ZC3H7B: variants seen among roughly 807,000 people sequenced by gnomAD.
The protein encoded by ZC3H7B is zinc finger CCCH domain-containing protein 7B.
In ZC3H7B, 35 loss-of-function variants were observed where a neutral mutation model predicts 116.0. The ratio of observed to expected loss-of-function variants is 0.30; its 90% CI spans 0.23 to 0.40. The LOEUF (loss-of-function observed/expected upper bound fraction) is 0.40. Among genes scored for constraint, ZC3H7B ranks in the 10% least tolerant of loss-of-function variants. The pLI, the probability that ZC3H7B is intolerant of heterozygous loss-of-function variation, is 1.00. For missense variants in ZC3H7B, 1,011 were observed against 1,321.5 expected (o/e 0.77, Z 3.64); for synonymous variants, 502 against 545.6 (o/e 0.92, Z 1.11).
chr22:41,309,246 G>A (rs189663344), intron 1 of ZC3H7B, among the ~76,000 whole-genome samples: 2,684 of 151,360 alleles, frequency 0.018, 55 homozygotes, highest in African/African-American at 0.061. Flanking sequence ...TCCTGACCTC[G>A]TGATCCGCCC....
chr22:41,339,054 A>G lies in ZC3H7B; in HGVS notation c.679A>G (p.Met227Val). 1 of 1,609,188 alleles carries G rather than the reference A, an allele frequency of 6.2e-7. No homozygotes were observed. Among genetic ancestry groups the G allele is most frequent in the Non-Finnish European group, 8.5e-7 (1 of 1,177,340 alleles). ...AGCCCTTCTCCCCTCCACGCCCACG[A>G]TGCCCCTGTTCCCTCACGTTCTGGA... ...SPALLPSTPT[M>V]PLFPHVLDLL... Residue 227 changes from methionine (M) to valine (V), a missense_variant, in exon 9 of 23, where the codon ATG (methionine) becomes GTG (valine). Met to Val is a conservative substitution (Grantham distance 21). Around this residue, in one of 5 missense-constraint regions of ZC3H7B, gnomAD observed 322 missense variants for 443.9 expected, o/e 0.73. Coordinates refer to ENST00000352645, the MANE Select transcript of ZC3H7B (RefSeq NM_017590.6).
intron 1 of ZC3H7B, among the ~76,000 whole-genome samples, chr22:41,313,189 GCTCA>G (rs10579151): frequency 0.32 from 48,626 of 151,274 alleles, 8,340 homozygotes; most frequent in Admixed American, 0.5. Flanking sequence ...CGCGATATCA[GCTCA>G]CTACAACCTC....
Position 41,355,805 on chromosome 22 carries a change from G to A in ZC3H7B, c.2217G>A (p.Arg739=). The change falls in exon 19 of 23, where the codon AGG becomes AGA. Residue 739 remains arginine (R), a synonymous_variant. Transcript: ENST00000352645. ...RVLLVMSKAK[R]KWVSVRPLPS... ...TTCTGGTGATGTCCAAGGCCAAGAGGAAATGGGTGTCAGTGAGGCCACTGC... is the reference window on the plus strand; with the variant it reads ...TTCTGGTGATGTCCAAGGCCAAGAGAAAATGGGTGTCAGTGAGGCCACTGC... 3 of 1,613,674 alleles carry A rather than the reference G, an allele frequency of 1.9e-6. No individual in the cohort carries two copies. The highest frequency in any genetic ancestry group is 2.2e-5 in the East Asian group (1 of 44,880).
chr22:41,339,904 T>C lies in ZC3H7B; in HGVS notation c.905T>C (p.Leu302Pro). 2 of 1,613,850 alleles carry C rather than the reference T, an allele frequency of 1.2e-6. No individual in the cohort carries two copies. The highest frequency in any genetic ancestry group is 1.7e-6 in the Non-Finnish European group (2 of 1,179,974). The part of the protein sequence containing the change: ...IPVFPGGTPL[L>P]PPVVGGSIPV... ...GTGTTCCCCGGCGGGACCCCACTGC[T>C]ACCACCTGTGGTGGGTGGCTCCATC... is the stretch of plus-strand genomic sequence containing the variant. Residue 302 changes from leucine (L) to proline (P), a missense_variant, in exon 10 of 23, where the codon CTA (leucine) becomes CCA (proline). This residue lies in a region of ZC3H7B where 322 missense variants were observed against 443.9 expected (regional missense o/e 0.73). Transcript: ENST00000352645.
At position 41,331,171 on chromosome 22, in the gene ZC3H7B, C is replaced by T. The variant is rs140931752; in HGVS notation, c.526-1000C>T. On this transcript the variant is annotated intron_variant, in intron 6 of 22. Coordinates refer to ENST00000352645, the MANE Select transcript of ZC3H7B (RefSeq NM_017590.6). ...CGCGCCCAGCTGAGAATCACTTGAA[C>T]CCGGGAGGCGGAGGTTGCGGTGAGC... Among the ~76,000 whole-genome samples the T allele has an allele frequency of 8.2e-3, 1,208 of 146,608 alleles. 5 individuals are homozygous for T. Among genetic ancestry groups the T allele is most frequent in the Non-Finnish European group, 0.013 (869 of 66,600 alleles).
At position 41,359,138 on chromosome 22, in the gene ZC3H7B, G is replaced by A. The variant is rs1380107548; in HGVS notation, c.*1709G>A. 1 of 152,890 alleles carries A rather than the reference G, an allele frequency of 6.5e-6. No individual in the cohort carries two copies. Among genetic ancestry groups the A allele is most frequent in the African/African-American group, 2.4e-5 (1 of 41,464 alleles). The allele number at this position is 152,890 out of a possible 1,614,324, so 9.5% of individuals were successfully genotyped here. A position where few individuals can be genotyped will look rare whatever the true frequency, so the allele number is the denominator to read the frequency against. ...TTTGGGTGCTGGTGGTGTGGCTGTA[G>A]GGGAGGGGAGACCACACCCAAGGTG... On this transcript the variant is annotated 3_prime_UTR_variant, in exon 23 of 23. Transcript: ENST00000352645.
Position 41,357,259 on chromosome 22 carries a change from C to T in ZC3H7B, c.2764C>T (p.Arg922Trp). 1.9e-6 allele frequency: 3 copies of T among 1,613,714 alleles called. No homozygotes were observed. The highest frequency in any genetic ancestry group is 2.5e-6 in the Non-Finnish European group (3 of 1,179,986). Reference sequence around the variant, plus strand: ...GGAGGAGCTCAACGAGTGGCTGGACCGGCGCGAGGTGCTGAAGCAGAAGTT... The same window carrying T: ...GGAGGAGCTCAACGAGTGGCTGGACTGGCGCGAGGTGCTGAAGCAGAAGTT... ...GQEELNEWLD[R>W]REVLKQKLAK... is the part of the protein sequence containing the mutation. The change falls in exon 23 of 23, where the codon CGG (arginine) becomes TGG (tryptophan). Residue 922 changes from arginine (R) to tryptophan (W), a missense_variant. Around this residue, in one of 5 missense-constraint regions of ZC3H7B, gnomAD observed 406 missense variants for 590.2 expected, o/e 0.69. Transcript: ENST00000352645. This position sits in a 1 kb window ranked among gnomAD's most constrained non-coding sequence, Gnocchi z 5.4.
chr22:41,348,011 C>T, intron 14 of ZC3H7B, 56 bp from the exon 15 acceptor site: 2 of 1,492,824 alleles, frequency 1.3e-6, no homozygotes, highest in Non-Finnish European at 1.9e-6. Context: ...GGGGTCCCAG[C>T]TCACCCCCTT....
At chr22:41,325,984 C>A in intron 4 of ZC3H7B, 66 bp downstream of exon 4, 1 of 1,525,272 alleles carries the variant, frequency 6.6e-7, no homozygotes, top group Non-Finnish European at 8.8e-7. Context: ...CCAGTCGAGC[C>A]AGGCCCATAC....
Position 41,343,584 on chromosome 22 carries a change from G to T in ZC3H7B, c.1459+8G>T. 1 of 1,587,846 alleles carries T rather than the reference G, an allele frequency of 6.3e-7. No homozygotes were observed. The highest frequency in any genetic ancestry group is 8.6e-7 in the Non-Finnish European group (1 of 1,163,130). Reference sequence around the variant, plus strand: ...CCTACTACCTGTGCAAAGGTGGGTGGGCTGCAGCGGGGCAGGCAGCACAGC... The same window carrying T: ...CCTACTACCTGTGCAAAGGTGGGTGTGCTGCAGCGGGGCAGGCAGCACAGC... On this transcript the variant is annotated splice_region_variant and intron_variant, in intron 13 of 22. Transcript: ENST00000352645.
chr22:41,320,567 C>A, intron 1 of ZC3H7B, 88 bp from the exon 2 acceptor site: 1 of 1,447,202 alleles, frequency 6.9e-7, no homozygotes, highest in Non-Finnish European at 9.7e-7. Flanking sequence ...GGAGTGAGAG[C>A]ACCCAATCAC....
Position 41,356,652 on chromosome 22 carries a change from A to G in ZC3H7B, c.2525A>G (p.Tyr842Cys). Residue 842 changes from tyrosine to cysteine, a missense_variant, in exon 22 of 23, where the codon TAC becomes TGC. Coordinates refer to ENST00000352645, the MANE Select transcript of ZC3H7B (RefSeq NM_017590.6). ...PTDYADIMMG[Y>C]HCWLCGKNSN... ...TGATGGCTGTGCTCCCAGATGGGCT[A>G]CCACTGCTGGCTCTGCGGCAAGAAC... The G allele has an allele frequency of 6.2e-7, 1 of 1,613,436 alleles. No individual in the cohort carries two copies. Among genetic ancestry groups the G allele is most frequent in the Non-Finnish European group, 8.5e-7 (1 of 1,179,980 alleles).
At chr22:41,350,634 T>C (rs970173192) in intron 16 of ZC3H7B, among the ~76,000 whole-genome samples, 2 of 152,080 alleles carry the variant, frequency 1.3e-5, no homozygotes, top group African/African-American at 4.8e-5. Flanking sequence ...ACAGGAAGAA[T>C]GGGGCTACCA....
At chr22:41,313,059 T>A (rs1039775182) in intron 1 of ZC3H7B, among the ~76,000 whole-genome samples, 1 of 151,916 alleles carries the variant, frequency 6.6e-6, no homozygotes, top group East Asian at 1.9e-4. Flanking sequence ...AAAATGGGGG[T>A]TTGTTTTCTC....
chr22:41,305,296 G>A (rs1191166318), intron 1 of ZC3H7B, among the ~76,000 whole-genome samples: 2 of 150,980 alleles, frequency 1.3e-5, no homozygotes, highest in Admixed American at 1.3e-4. Context: ...AGTGAGCCGA[G>A]CGCTCCACTG....
chr22:41,354,838 C>T (rs1474171409), intron 17 of ZC3H7B, among the ~76,000 whole-genome samples: 1 of 152,144 alleles, frequency 6.6e-6, no homozygotes, highest in Non-Finnish European at 1.5e-5. Flanking sequence ...CAAGGCCTTG[C>T]CCTGGAGGGA....
chr22:41,351,759 A>G lies in ZC3H7B; in HGVS notation c.2034+113A>G. 1 of 974,108 alleles carries G rather than the reference A, an allele frequency of 1.0e-6. No homozygotes were observed. Among genetic ancestry groups the G allele is most frequent in the Non-Finnish European group, 1.5e-6 (1 of 650,744 alleles). The allele number at this position is 974,108 out of a possible 1,614,324, so 60.3% of individuals were successfully genotyped here. On this transcript the variant is annotated intron_variant, in intron 17 of 22. Transcript: ENST00000352645. The surrounding 1 kb of genome is among the most constrained non-coding windows in gnomAD (Gnocchi z 5.1). ...AAATGTTTACAATGGAGGCACCTCGAATAAGTTATGAAAGTAACTTGGATA... is the reference window on the plus strand; with the variant it reads ...AAATGTTTACAATGGAGGCACCTCGGATAAGTTATGAAAGTAACTTGGATA...
chr22:41,346,253 A>G lies in ZC3H7B; in HGVS notation c.1665+45A>G. 6.3e-7 allele frequency: 1 copy of G among 1,592,290 alleles called. No individual in the cohort carries two copies. ...TGCCACCCCATAGGCCATGGCACAG[A>G]CAGGGCTGGGGATGCTCCCTGGCAC... On this transcript the variant is annotated intron_variant, in intron 14 of 22. Transcript: ENST00000352645. This position sits in a 1 kb window ranked among gnomAD's most constrained non-coding sequence, Gnocchi z 5.3.
chr22:41,317,762 C>T (rs1400500190), intron 1 of ZC3H7B, among the ~76,000 whole-genome samples: 1 of 152,154 alleles, frequency 6.6e-6, no homozygotes, highest in Admixed American at 6.5e-5. Context: ...CCATCCTGGG[C>T]AACAGAGCGA....
Sources: allele counts gnomAD v4.1 joint callset (sites outside exome capture counted in the v4.1 genomes callset), GRCh38; gene constraint gnomAD v4.1.1; regional missense constraint gnomAD v4.1.1; non-coding constraint Gnocchi (gnomAD v3.1); transcripts MANE v1.5; gene names NCBI Gene and HGNC (gene_info 2026-07-23, HGNC 2026-07-21).